The following REV3L variants were observed in gnomAD, a reference collection of about 807,000 sequenced individuals.
REV3L encodes REV3 like, DNA directed polymerase zeta catalytic subunit.
A neutral mutation model predicts 299.4 loss-of-function variants in REV3L; 69 were observed. The observed-to-expected ratio is 0.23, with a 90% CI of 0.19 to 0.28. The LOEUF is 0.28. Among genes scored for constraint, REV3L ranks in the 10% least tolerant of loss-of-function variants. The pLI is 1.00. For missense variants in REV3L, 3,128 were observed against 3,693.8 expected (o/e 0.85, Z 3.97); for synonymous variants, 1,238 against 1,271.4 (o/e 0.97, Z 0.56).
intron 1 of REV3L, among the ~76,000 whole-genome samples, chr6:111,436,148 T>G (rs368687571): frequency 6.6e-6 from 1 of 152,116 alleles, no homozygotes; most frequent in Non-Finnish European, 1.5e-5. Flanking sequence ...AAAAAGACAA[T>G]GAATAATGGA....
chr6:111,451,954 T>C lies in REV3L; in HGVS notation c.139+30796A>G, dbSNP rs1254080827. ...GCAAGCCATAGATTGGGAGAAAATATCTGCAAAACATGTATCTGATAAAGG... is the reference window on the plus strand; with the variant it reads ...GCAAGCCATAGATTGGGAGAAAATACCTGCAAAACATGTATCTGATAAAGG... On this transcript the variant is annotated intron_variant, in intron 1 of 31. Transcript: ENST00000368802. Among the ~76,000 whole-genome samples the C allele has an allele frequency of 2.6e-5, 4 of 151,734 alleles. No individual in the cohort carries two copies. In the East Asian group the frequency reaches 7.8e-4, roughly 29 times the overall value.
At chr6:111,309,709 C>T in intron 30 of REV3L, 144 bp downstream of exon 30, 1 of 877,060 alleles carries the variant, frequency 1.1e-6, no homozygotes, top group African/African-American at 1.7e-5. Flanking sequence ...ACTTCCCCTC[C>T]CGCTTTCCGT....
chr6:111,359,520 GAAAAA>G (rs371680267), intron 16 of REV3L, among the ~76,000 whole-genome samples: 1 of 102,590 alleles, frequency 9.7e-6, no homozygotes, highest in South Asian at 3.4e-4. Flanking sequence ...AGTTTTTCCT[GAAAAA>G]AAAAAAAAAA....
At chr6:111,475,314 C>T (rs1792808081) in intron 1 of REV3L, among the ~76,000 whole-genome samples, 1 of 152,062 alleles carries the variant, frequency 6.6e-6, no homozygotes, top group Non-Finnish European at 1.5e-5. Context: ...AATAATGCTG[C>T]CACAAATATT....
chr6:111,411,698 C>T (rs1318168592), intron 2 of REV3L, 144 bp from the exon 3 acceptor site: 2 of 619,484 alleles, frequency 3.2e-6, no homozygotes, highest in East Asian at 5.8e-5. Context: ...CTAAAAAATC[C>T]CAAACCTTTC....
At chr6:111,457,703 G>C (rs144425990) in intron 1 of REV3L, among the ~76,000 whole-genome samples, 296 of 151,642 alleles carry the variant, frequency 2.0e-3, no homozygotes, top group African/African-American at 6.4e-3. Context: ...GCATACAAGA[G>C]CAATTAGACA....
intron 21 of REV3L, among the ~76,000 whole-genome samples, chr6:111,338,236 T>C (rs971144853): frequency 2.3e-4 from 35 of 150,958 alleles, no homozygotes; most frequent in East Asian, 9.7e-4. Context: ...TTGAAGTATG[T>C]TGACGATAAT....
At chr6:111,380,680 T>A (rs753218817) in intron 10 of REV3L, among the ~76,000 whole-genome samples, 1 of 152,238 alleles carries the variant, frequency 6.6e-6, no homozygotes, top group Non-Finnish European at 1.5e-5. Flanking sequence ...AGCTCTCCTA[T>A]CAAAGTTGAT....
Position 111,373,142 on chromosome 6 carries a change from T to A in REV3L, c.5213A>T (p.Asn1738Ile). ...ATTTTTCCACTGGTTGTGGCGACGA[T>A]TCTCATTGCTATCTATGGTTGACTT... is the stretch of plus-strand genomic sequence containing the variant. ...FEKSTIDSNENRRHNQWKNSF... is the reference protein window; with the variant it reads ...FEKSTIDSNEIRRHNQWKNSF... Residue 1738 changes from asparagine to isoleucine, a missense_variant, in exon 13 of 32, where the codon AAT becomes ATT. Coordinates refer to ENST00000368802, the MANE Select transcript of REV3L (RefSeq NM_001372078.1). 6.2e-7 allele frequency: 1 copy of A among 1,614,170 alleles called. No individual in the cohort carries two copies.
At chr6:111,302,115 A>AT in intron 31 of REV3L, among the ~76,000 whole-genome samples, 1 of 152,350 alleles carries the variant, frequency 6.6e-6, no homozygotes, top group Middle Eastern at 3.4e-3. Flanking sequence ...ACCGAAGGGC[A>AT]CACTTTTTCT....
At chr6:111,362,867 G>A (rs1260354373) in intron 16 of REV3L, among the ~76,000 whole-genome samples, 1 of 152,108 alleles carries the variant, frequency 6.6e-6, no homozygotes, top group Non-Finnish European at 1.5e-5. Flanking sequence ...ATTAAATAAA[G>A]TTTAAAATTC....
chr6:111,430,668 C>G, intron 1 of REV3L: 14 of 1,519,632 alleles, frequency 9.2e-6, no homozygotes, highest in Non-Finnish European at 1.3e-5. Flanking sequence ...TCTGGAGATG[C>G]CAAAGCACAC....
rs1489298836 is a variant in REV3L, at chr6:111,313,429, G to A, written c.8527C>T (p.Leu2843=). 3.7e-6 allele frequency: 6 copies of A among 1,613,156 alleles called. No individual in the cohort carries two copies. In the East Asian group the frequency reaches 1.3e-4, roughly 36 times the overall value. The change falls in exon 28 of 32, where the codon CTG becomes TTG. Residue 2843 remains leucine, a synonymous_variant. Coordinates refer to ENST00000368802, the MANE Select transcript of REV3L (RefSeq NM_001372078.1). ...KRYVGYMYET[L]DQKDPVFDAK... ...TCAAATACTGGGTCCTTCTGATCCA[G>A]TGTTTCATACATGTAACCCACATAC... is the stretch of plus-strand genomic sequence containing the variant.
chr6:111,431,119 T>G, intron 1 of REV3L: 1 of 1,514,160 alleles, frequency 6.6e-7, no homozygotes. Context: ...CTATTCAACC[T>G]ATGGGGAAGA....
At chr6:111,343,079 C>T (rs150144602) in intron 21 of REV3L, among the ~76,000 whole-genome samples, 12 of 152,302 alleles carry the variant, frequency 7.9e-5, no homozygotes, top group African/African-American at 2.6e-4. Flanking sequence ...AGTAATTCTA[C>T]TCCTAAGAGA....
intron 1 of REV3L, among the ~76,000 whole-genome samples, chr6:111,422,508 A>G (rs1014875065): frequency 1.3e-5 from 2 of 148,910 alleles, no homozygotes; most frequent in Non-Finnish European, 3.0e-5. Flanking sequence ...ATAAAATAAC[A>G]TAGTACATGA....
chr6:111,413,015 T>G (rs1357023218), intron 2 of REV3L, among the ~76,000 whole-genome samples: 1 of 152,180 alleles, frequency 6.6e-6, no homozygotes, highest in East Asian at 1.9e-4. Flanking sequence ...TCCCTCCCTC[T>G]TACTCTTCAC....
intron 1 of REV3L, among the ~76,000 whole-genome samples, chr6:111,473,950 T>C (rs147919116): frequency 3.3e-4 from 51 of 152,288 alleles, no homozygotes; most frequent in Admixed American, 2.5e-3. Flanking sequence ...ACTAGAATGA[T>C]GCTTCTCAAC....
intron 1 of REV3L, among the ~76,000 whole-genome samples, chr6:111,479,232 C>T (rs1014812112): frequency 6.6e-6 from 1 of 152,114 alleles, no homozygotes; most frequent in African/African-American, 2.4e-5. Context: ...CCTTTCTTCC[C>T]TCCATTAAAA....
Sources: allele counts gnomAD v4.1 joint callset (sites outside exome capture counted in the v4.1 genomes callset), GRCh38; gene constraint gnomAD v4.1.1; transcripts MANE v1.5; gene names NCBI Gene and HGNC (gene_info 2026-07-23, HGNC 2026-07-21).